RBFOX1: variants seen among roughly 807,000 people sequenced by gnomAD.
The protein encoded by RBFOX1 is RNA binding protein fox-1 homolog 1.
In RBFOX1, 8 loss-of-function variants were observed where a neutral mutation model predicts 57.7. That is an observed-to-expected ratio of 0.14 (90% CI 0.08 to 0.25). The LOEUF (loss-of-function observed/expected upper bound fraction) is 0.25. Among genes scored for constraint, RBFOX1 ranks in the 10% least tolerant of loss-of-function variants. RBFOX1 has a pLI of 1.00. For missense variants in RBFOX1, 611 were observed against 548.5 expected, an observed-to-expected ratio of 1.11 and a Z score of -1.14; for synonymous variants, 326 against 222.4, an observed-to-expected ratio of 1.47 and a Z score of -4.15.
At chr16:7,224,947 A>G (rs1327919178) in intron 4 of RBFOX1, among the ~76,000 whole-genome samples, 4 of 152,198 alleles carry the variant, frequency 2.6e-5, no homozygotes, top group Non-Finnish European at 5.9e-5. Context: ...GAGGAGGGTG[A>G]TAAGAGTGGC....
intron 1 of RBFOX1, among the ~76,000 whole-genome samples, chr16:5,275,756 T>C (rs2063125045): frequency 6.6e-6 from 1 of 152,152 alleles, no homozygotes; most frequent in African/African-American, 2.4e-5. Flanking sequence ...AGAACCAATC[T>C]AGAGGCATCA....
chr16:5,718,474 C>T (rs568013481), intron 3 of RBFOX1, among the ~76,000 whole-genome samples: 15 of 152,330 alleles, frequency 9.8e-5, no homozygotes, highest in African/African-American at 3.1e-4. Flanking sequence ...GATAAACTCT[C>T]TTTAGATGTG....
At chr16:6,632,147 C>G (rs1297550638) in intron 2 of RBFOX1, among the ~76,000 whole-genome samples, 1 of 152,126 alleles carries the variant, frequency 6.6e-6, no homozygotes, top group Non-Finnish European at 1.5e-5. Context: ...GTTACTGCAT[C>G]TCTGTGATCC....
At chr16:5,882,496 C>T (rs2057787245) in intron 4 of RBFOX1, among the ~76,000 whole-genome samples, 2 of 152,118 alleles carry the variant, frequency 1.3e-5, no homozygotes, top group Admixed American at 6.5e-5. Flanking sequence ...AGCTGTGAAC[C>T]CAAGGGGAAG....
intron 4 of RBFOX1, among the ~76,000 whole-genome samples, chr16:7,347,195 A>G (rs2097027724): frequency 6.6e-6 from 1 of 152,120 alleles, no homozygotes; most frequent in Non-Finnish European, 1.5e-5. Context: ...TCATCCTACA[A>G]TGCATAGGTG....
intron 3 of RBFOX1, among the ~76,000 whole-genome samples, chr16:6,697,212 G>C (rs1345340903): frequency 1.3e-5 from 2 of 152,168 alleles, no homozygotes; most frequent in African/African-American, 4.8e-5. Flanking sequence ...ATATGGTATA[G>C]TGGTCACTGT....
At chr16:5,766,045 CACGT>C (rs1567512761) in intron 3 of RBFOX1, among the ~76,000 whole-genome samples, 1 of 152,164 alleles carries the variant, frequency 6.6e-6, no homozygotes, top group Admixed American at 6.5e-5. Context: ...TGGTAGTGTG[CACGT>C]CATGGAGCAG....
In RBFOX1 at chr16:7,616,527, T is replaced by C. The variant is rs76185410; in HGVS notation, c.676+9189T>C. ...ACCATAAACAATTGGATCAAACCTA[T>C]ATGGTGTGGTCCAAGGCCTCAGGCA... is the stretch of plus-strand genomic sequence containing the variant. On this transcript the variant is annotated intron_variant, in intron 10 of 15. Coordinates refer to ENST00000550418, the MANE Select transcript of RBFOX1 (RefSeq NM_018723.4). Among the ~76,000 whole-genome samples the C allele has an allele frequency of 7.7e-3, 1,177 of 152,310 alleles. 11 individuals are homozygous for C. The highest frequency in any genetic ancestry group is 0.028 in the African/African-American group (1,143 of 41,556).
chr16:6,120,799 C>T (rs771857601), intron 1 of RBFOX1, among the ~76,000 whole-genome samples: 6 of 152,114 alleles, frequency 3.9e-5, no homozygotes, highest in Admixed American at 2.6e-4. Flanking sequence ...GACGTCAGTT[C>T]TGGTGCTGCT....
intron 3 of RBFOX1, among the ~76,000 whole-genome samples, chr16:6,960,573 T>C (rs545967381): frequency 1.4e-4 from 22 of 152,166 alleles, no homozygotes; most frequent in African/African-American, 5.3e-4. Context: ...CCTGTGCCCT[T>C]CTTACCTCCT....
intron 1 of RBFOX1, among the ~76,000 whole-genome samples, chr16:6,272,438 CTT>C (rs2075310268): frequency 6.6e-6 from 1 of 152,088 alleles, no homozygotes; most frequent in Non-Finnish European, 1.5e-5. Context: ...AACTGCAAAA[CTT>C]TTTAAAAATT....
intron 1 of RBFOX1, among the ~76,000 whole-genome samples, chr16:6,200,692 A>C (rs541094892): frequency 6.6e-6 from 1 of 152,310 alleles, no homozygotes; most frequent in East Asian, 1.9e-4. Flanking sequence ...GAAGAAGTTC[A>C]CAAGTTTGCT....
chr16:7,021,364 G>A (rs1345818949), intron 3 of RBFOX1, among the ~76,000 whole-genome samples: 1 of 144,230 alleles, frequency 6.9e-6, no homozygotes, highest in Admixed American at 6.9e-5. Context: ...TAGTATTTAT[G>A]TTCTTATATA....
Position 7,297,734 on chromosome 16 carries a change from T to G in RBFOX1, c.28-220413T>G, listed in dbSNP as rs1358146097. Reference sequence around the variant, plus strand: ...TAGCAATGATGATAATATAACTGTTTCATTTTATTGTAAAAGTAATACACA... The same window carrying G: ...TAGCAATGATGATAATATAACTGTTGCATTTTATTGTAAAAGTAATACACA... On this transcript the variant is annotated intron_variant, in intron 4 of 15. Coordinates refer to ENST00000550418, the MANE Select transcript of RBFOX1 (RefSeq NM_018723.4). Among the ~76,000 whole-genome samples the G allele has an allele frequency of 3.3e-5, 5 of 152,318 alleles. No homozygotes were observed. In the East Asian group the frequency reaches 9.6e-4, roughly 29 times the overall value.
At chr16:5,480,910 A>G (rs1168259908) in intron 2 of RBFOX1, among the ~76,000 whole-genome samples, 3 of 152,078 alleles carry the variant, frequency 2.0e-5, no homozygotes, top group Non-Finnish European at 4.4e-5. Context: ...TGCCACATAT[A>G]TTTTCATATT....
At chr16:6,527,745 G>C (rs1206888237) in intron 2 of RBFOX1, among the ~76,000 whole-genome samples, 1 of 152,074 alleles carries the variant, frequency 6.6e-6, no homozygotes, top group Non-Finnish European at 1.5e-5. Context: ...AACCCAGAGT[G>C]TTTTGTCTCT....
chr16:5,364,262 G>T (rs544384155), intron 1 of RBFOX1, among the ~76,000 whole-genome samples: 1 of 152,326 alleles, frequency 6.6e-6, no homozygotes, highest in East Asian at 1.9e-4. Context: ...GGTTTGAGAT[G>T]TGAATGCACC....
At chr16:6,865,532 G>A (rs147484642) in intron 3 of RBFOX1, among the ~76,000 whole-genome samples, 1,701 of 152,180 alleles carry the variant, frequency 0.011, 20 homozygotes, top group Non-Finnish European at 0.018. Flanking sequence ...CTACTATGCT[G>A]CAGGAATTGT....
intron 4 of RBFOX1, among the ~76,000 whole-genome samples, chr16:7,105,896 C>T (rs887355273): frequency 2.6e-5 from 4 of 152,084 alleles, no homozygotes; most frequent in Admixed American, 2.6e-4. Context: ...TTGTTTCACT[C>T]AGGAGAGGTA....
Sources: allele counts gnomAD v4.1 joint callset (sites outside exome capture counted in the v4.1 genomes callset), GRCh38; gene constraint gnomAD v4.1.1; transcripts MANE v1.5; gene names NCBI Gene and HGNC (gene_info 2026-07-23, HGNC 2026-07-21).